The following DAPP1 variants were observed in gnomAD, a reference collection of about 807,000 sequenced individuals.
DAPP1 encodes dual adaptor of phosphotyrosine and 3-phosphoinositides 1, also known as dual adapter for phosphotyrosine and 3-phosphotyrosine and 3-phosphoinositide.
In DAPP1, 20 loss-of-function variants were observed where a neutral mutation model predicts 41.5. The ratio of observed to expected loss-of-function variants is 0.48; its 90% CI spans 0.34 to 0.70. DAPP1 has a LOEUF of 0.70. Ranked by LOEUF, DAPP1 falls within the 30% of genes least tolerant of loss-of-function variation. The pLI, the probability that DAPP1 is intolerant of heterozygous loss-of-function variation, is 0.01. For missense variants in DAPP1, 233 were observed against 333.4 expected, an observed-to-expected ratio of 0.70 and a Z score of 2.35; for synonymous variants, 113 against 116.2, an observed-to-expected ratio of 0.97 and a Z score of 0.18.
downstream of DAPP1, among the ~76,000 whole-genome samples, chr4:99,871,490 A>T (rs1195288874): frequency 6.6e-6 from 1 of 152,222 alleles, no homozygotes; most frequent in African/African-American, 2.4e-5. Context: ...TCAAGAAAAA[A>T]ATACAAATAT....
chr4:99,822,627 T>C (rs1409205572), intron 1 of DAPP1, among the ~76,000 whole-genome samples: 1 of 152,190 alleles, frequency 6.6e-6, no homozygotes, highest in Admixed American at 6.5e-5. Context: ...ACCCACCCAG[T>C]CCCCAAGACC....
intron 3 of DAPP1, among the ~76,000 whole-genome samples, chr4:99,847,639 A>G (rs1003873338): frequency 6.6e-6 from 1 of 152,034 alleles, no homozygotes; most frequent in Non-Finnish European, 1.5e-5. Flanking sequence ...TTGCTCTGCT[A>G]CCCCTGCCTC....
intron 2 of DAPP1, among the ~76,000 whole-genome samples, chr4:99,838,473 C>T (rs1425560386): frequency 6.6e-6 from 1 of 152,168 alleles, no homozygotes; most frequent in Non-Finnish European, 1.5e-5. Flanking sequence ...ACCTTTTTGG[C>T]ACCAGGGGCT....
intron 1 of DAPP1, among the ~76,000 whole-genome samples, chr4:99,826,971 T>C (rs1722956099): frequency 6.6e-6 from 1 of 152,238 alleles, no homozygotes; most frequent in South Asian, 2.1e-4. Context: ...CTGTTGGTAC[T>C]GAAAAGTCAC....
intron 2 of DAPP1, among the ~76,000 whole-genome samples, chr4:99,836,667 G>C (rs147643485): frequency 1.3e-5 from 2 of 152,144 alleles, no homozygotes; most frequent in African/African-American, 4.8e-5. Context: ...CAGTCTACAC[G>C]GTCACTACTG....
intron 3 of DAPP1, among the ~76,000 whole-genome samples, chr4:99,847,924 C>T (rs923561521): frequency 2.6e-5 from 4 of 152,090 alleles, no homozygotes; most frequent in Admixed American, 1.3e-4. Flanking sequence ...AGCGATTCTC[C>T]TGTCTCAGCC....
Position 99,863,843 on chromosome 4 carries a change from T to TA in DAPP1, c.677dup (p.Asn226LysfsTer23). The TA allele has an allele frequency of 6.3e-7, 1 of 1,591,216 alleles. No homozygotes were observed. Among genetic ancestry groups the TA allele is most frequent in the Non-Finnish European group, 8.6e-7 (1 of 1,167,036 alleles). ...CAATTCGATTATTCACAAGAAAGGG[T>TA]AAACTGTTTTTGGTAAGTTGTTTTA... On this transcript the variant is annotated frameshift_variant, in exon 7 of 9. Transcript: ENST00000512369. LOFTEE classifies it high-confidence loss of function.
intron 1 of DAPP1, among the ~76,000 whole-genome samples, chr4:99,823,605 T>C (rs536873845): frequency 6.6e-6 from 1 of 152,348 alleles, no homozygotes; most frequent in African/African-American, 2.4e-5. Context: ...TCTGAAAGCA[T>C]GGATATTTAG....
intron 3 of DAPP1, among the ~76,000 whole-genome samples, chr4:99,849,648 T>G (rs1723787341): frequency 6.6e-6 from 1 of 152,118 alleles, no homozygotes; most frequent in South Asian, 2.1e-4. Context: ...GGTAGGAGGA[T>G]AATGCCCCCA....
chr4:99,831,845 TAGTG>T (rs1369482901), intron 1 of DAPP1, among the ~76,000 whole-genome samples: 2 of 152,222 alleles, frequency 1.3e-5, no homozygotes, highest in Non-Finnish European at 2.9e-5. Context: ...CTCTGATTAA[TAGTG>T]AGATTATTTA....
intron 3 of DAPP1, among the ~76,000 whole-genome samples, chr4:99,842,501 T>C (rs1723526648): frequency 6.6e-6 from 1 of 152,240 alleles, no homozygotes; most frequent in African/African-American, 2.4e-5. Flanking sequence ...TTTATTCCTC[T>C]TATCTGTCCC....
rs537614787 is a variant in DAPP1, at chr4:99,851,534, GTT to G, written c.359-1661_359-1660del. Among the ~76,000 whole-genome samples, 670 of 77,706 alleles carry G rather than the reference GTT, an allele frequency of 8.6e-3. 2 individuals are homozygous for G. Among genetic ancestry groups the G allele is most frequent in the East Asian group, 0.05 (129 of 2,572 alleles). The allele number at this position is 77,706 out of a possible 152,430, so 51.0% of individuals were successfully genotyped here. A position where few individuals can be genotyped will look rare whatever the true frequency, so the allele number is the denominator to read the frequency against. ...TCATAGACAGGTTTTGTTTTGTGTAGTTTTTTTTTTTTTTTTTTTTTTTTGAG... is the reference window on the plus strand; with the variant it reads ...TCATAGACAGGTTTTGTTTTGTGTAGTTTTTTTTTTTTTTTTTTTTTTGAG... On this transcript the variant is annotated intron_variant, in intron 3 of 8. Coordinates refer to ENST00000512369, the MANE Select transcript of DAPP1 (RefSeq NM_014395.3).
At chr4:99,826,412 AC>A (rs1290381218) in intron 1 of DAPP1, among the ~76,000 whole-genome samples, 4 of 152,204 alleles carry the variant, frequency 2.6e-5, no homozygotes, top group African/African-American at 9.7e-5. Context: ...TTTTTTTCCC[AC>A]TTTGCGTTGA....
chr4:99,854,608 A>G (rs898320580), intron 4 of DAPP1, among the ~76,000 whole-genome samples: 1 of 150,816 alleles, frequency 6.6e-6, no homozygotes, highest in African/African-American at 2.4e-5. Context: ...CTCTGTCTTC[A>G]TCTCATGCTA....
chr4:99,866,114 G>A lies in DAPP1; in HGVS notation c.767G>A (p.Trp256Ter), dbSNP rs1281216241. 4 of 1,589,514 alleles carry A rather than the reference G, an allele frequency of 2.5e-6. No individual in the cohort carries two copies. Among genetic ancestry groups the A allele is most frequent in the Non-Finnish European group, 3.4e-6 (4 of 1,160,998 alleles). ...GATGAGTGGATCAAGATATTACGCT[G>A]GAAATTGGTGAGAATTTTTAAGCCT... ...EADEWIKILR[W>*]KLSQIRKQLN... Residue 256 changes from tryptophan to a stop codon, truncating the protein, a stop_gained, in exon 8 of 9, where the codon TGG becomes TAG. Coordinates refer to ENST00000512369, the MANE Select transcript of DAPP1 (RefSeq NM_014395.3). LOFTEE classifies it high-confidence loss of function.
At chr4:99,871,972 A>G (rs544734784), downstream of DAPP1, among the ~76,000 whole-genome samples, 5 of 152,362 alleles carry the variant, frequency 3.3e-5, no homozygotes, top group East Asian at 7.7e-4. Context: ...AACAGCAGCC[A>G]CAACCTGACT....
intron 1 of DAPP1, among the ~76,000 whole-genome samples, chr4:99,835,233 C>T (rs1301392460): frequency 6.6e-6 from 1 of 151,938 alleles, no homozygotes; most frequent in Non-Finnish European, 1.5e-5. Context: ...GGTCTCGAAC[C>T]CCTGACCTCA....
In DAPP1 at chr4:99,835,666, C is replaced by A; in HGVS notation, c.145C>A (p.Leu49Ile). Reference sequence around the variant, plus strand: ...CACACGCCATGCTGCTGAAGCTCTTCTCCTCTCAAATGGATGTGACGGCAG... The same window carrying A: ...CACACGCCATGCTGCTGAAGCTCTTATCCTCTCAAATGGATGTGACGGCAG... ...NLTRHAAEAL[L>I]LSNGCDGSYL... is the part of the protein sequence containing the mutation. The change falls in exon 2 of 9, where the codon CTC (leucine) becomes ATC (isoleucine). Residue 49 changes from leucine to isoleucine, a missense_variant. By Grantham distance (5) the Leu-to-Ile change is conservative (BLOSUM62 2). Coordinates refer to ENST00000512369, the MANE Select transcript of DAPP1 (RefSeq NM_014395.3). 1 of 1,613,844 alleles carries A rather than the reference C, an allele frequency of 6.2e-7. No homozygotes were observed. Among genetic ancestry groups the A allele is most frequent in the Non-Finnish European group, 8.5e-7 (1 of 1,179,826 alleles).
chr4:99,821,143 C>T (rs1328812657), intron 1 of DAPP1, among the ~76,000 whole-genome samples: 7 of 152,190 alleles, frequency 4.6e-5, no homozygotes, highest in Admixed American at 4.6e-4. Context: ...GTTCAAAACC[C>T]ATGCTGACTT....
Sources: allele counts gnomAD v4.1 joint callset (sites outside exome capture counted in the v4.1 genomes callset), GRCh38; gene constraint gnomAD v4.1.1; transcripts MANE v1.5; gene names NCBI Gene and HGNC (gene_info 2026-07-23, HGNC 2026-07-21).